The following CNTN6 variants were observed in gnomAD, a reference collection of about 807,000 sequenced individuals.
CNTN6 encodes contactin-6.
In CNTN6, 137 loss-of-function variants were observed where a neutral mutation model predicts 122.8. That is an observed-to-expected ratio of 1.12 (90% CI 0.97 to 1.29). The LOEUF (loss-of-function observed/expected upper bound fraction) is 1.29. CNTN6 is among the 50% of genes most tolerant of loss of function. CNTN6 has a pLI of 0.00. For missense variants in CNTN6, 1,634 were observed against 1,223.4 expected, an observed-to-expected ratio of 1.34 and a Z score of -5.01; for synonymous variants, 570 against 426.0, an observed-to-expected ratio of 1.34 and a Z score of -4.16.
chr3:1,329,773 T>A lies in CNTN6; in HGVS notation c.1214-12T>A, dbSNP rs371073222. ...AGTAATTAAACAATTTTGTCTTTGA[T>A]TTTGTTTTTAGCCTCAGCTCCAGAT... On this transcript the variant is annotated splice_polypyrimidine_tract_variant and intron_variant, in intron 10 of 22. Transcript: ENST00000446702. 2.6e-4 allele frequency: 415 copies of A among 1,600,682 alleles called. No homozygotes were observed. The African/African-American group carries it at 4.8e-3, about 19-fold the overall frequency.
intron 3 of CNTN6, among the ~76,000 whole-genome samples, chr3:1,224,299 CA>C (rs2094248871): frequency 6.6e-6 from 1 of 151,954 alleles, no homozygotes; most frequent in Admixed American, 6.6e-5. Context: ...ACAGGTGGGT[CA>C]AAGGGTGAGA....
chr3:1,195,555 C>G (rs1023924305), intron 2 of CNTN6, among the ~76,000 whole-genome samples: 2 of 152,110 alleles, frequency 1.3e-5, no homozygotes, highest in African/African-American at 4.8e-5. Flanking sequence ...GTTCTTTTTA[C>G]TTTTACTTTT....
intron 17 of CNTN6, among the ~76,000 whole-genome samples, chr3:1,379,649 A>T (rs2126166691): frequency 6.6e-6 from 1 of 152,238 alleles, no homozygotes; most frequent in South Asian, 2.1e-4. Flanking sequence ...TTTAAAAATT[A>T]AACTAAATTA....
At chr3:1,132,159 A>G (rs2092352930) in intron 1 of CNTN6, among the ~76,000 whole-genome samples, 1 of 152,106 alleles carries the variant, frequency 6.6e-6, no homozygotes, top group African/African-American at 2.4e-5. Context: ...AAAATATGTA[A>G]CTGTGTTTAT....
intron 1 of CNTN6, among the ~76,000 whole-genome samples, chr3:1,117,010 C>T (rs1489467237): frequency 6.6e-6 from 1 of 151,916 alleles, no homozygotes; most frequent in Non-Finnish European, 1.5e-5. Context: ...AGCACCCAGC[C>T]GGGGAATGCC....
In CNTN6 at chr3:1,173,608, T is replaced by C. The variant is rs531180269; in HGVS notation, c.55+25545T>C. On this transcript the variant is annotated intron_variant, in intron 2 of 22. Transcript: ENST00000446702. Reference sequence around the variant, plus strand: ...TTTATCACACCACCTCCCTGTGAGCTTCTGTTGAGATTATTTTTTTACTGC... The same window carrying C: ...TTTATCACACCACCTCCCTGTGAGCCTCTGTTGAGATTATTTTTTTACTGC... 2.8e-4 allele frequency among the ~76,000 whole-genome samples: 42 copies of C among 152,308 alleles called. No homozygotes were observed. The East Asian group carries it at 4.1e-3, about 15-fold the overall frequency.
chr3:1,318,910 C>T (rs574838552), intron 7 of CNTN6, among the ~76,000 whole-genome samples: 78 of 151,644 alleles, frequency 5.1e-4, no homozygotes, highest in African/African-American at 1.8e-3. Flanking sequence ...GAATCTGGGG[C>T]GGAAGAGGGA....
chr3:1,271,161 A>T (rs1360221028), intron 4 of CNTN6, among the ~76,000 whole-genome samples: 1 of 152,178 alleles, frequency 6.6e-6, no homozygotes, highest in Non-Finnish European at 1.5e-5. Flanking sequence ...TACAGGCTGG[A>T]GCCATGGCGC....
chr3:1,153,336 GTT>G (rs2092890722), intron 2 of CNTN6, among the ~76,000 whole-genome samples: 1 of 152,126 alleles, frequency 6.6e-6, no homozygotes, highest in Non-Finnish European at 1.5e-5. Context: ...TAATGAGCTG[GTT>G]TCTCCTACTG....
At chr3:1,295,831 G>T (rs373920) in intron 6 of CNTN6, 27 bp downstream of exon 6, 4 of 1,591,458 alleles carry the variant, frequency 2.5e-6, no homozygotes. Flanking sequence ...TCTTGGGAAT[G>T]TACTTTATCT....
At chr3:1,360,626 A>C (rs985604562) in intron 12 of CNTN6, among the ~76,000 whole-genome samples, 3 of 150,198 alleles carry the variant, frequency 2.0e-5, no homozygotes, top group Non-Finnish European at 4.4e-5. Context: ...TTTCTCTCTT[A>C]GTCTTCATTT....
chr3:1,294,762 G>A (rs1695922096), intron 5 of CNTN6, among the ~76,000 whole-genome samples: 1 of 152,168 alleles, frequency 6.6e-6, no homozygotes, highest in Non-Finnish European at 1.5e-5. Flanking sequence ...CTTCTTAGAA[G>A]TCTTTTCTGA....
At chr3:1,304,479 T>C (rs866469210) in intron 7 of CNTN6, among the ~76,000 whole-genome samples, 1 of 152,198 alleles carries the variant, frequency 6.6e-6, no homozygotes, top group South Asian at 2.1e-4. Flanking sequence ...CATATTTATA[T>C]TGAATTAACT....
At chr3:1,256,316 G>A (rs1302042748) in intron 4 of CNTN6, among the ~76,000 whole-genome samples, 2 of 152,140 alleles carry the variant, frequency 1.3e-5, no homozygotes, top group Non-Finnish European at 1.5e-5. Flanking sequence ...AGGTAGCAAT[G>A]GAGACTAAGA....
intron 7 of CNTN6, among the ~76,000 whole-genome samples, chr3:1,306,275 A>G (rs1018401622): frequency 6.6e-6 from 1 of 152,168 alleles, no homozygotes; most frequent in African/African-American, 2.4e-5. Context: ...GGCTTTTTCT[A>G]TAACACGATA....
chr3:1,157,691 C>G (rs548346836), intron 2 of CNTN6, among the ~76,000 whole-genome samples: 1 of 151,920 alleles, frequency 6.6e-6, no homozygotes, highest in Non-Finnish European at 1.5e-5. Flanking sequence ...TCCTTCTACT[C>G]TCTATCTCCA....
At chr3:1,219,273 C>T (rs1263507238) in intron 2 of CNTN6, among the ~76,000 whole-genome samples, 1 of 152,174 alleles carries the variant, frequency 6.6e-6, no homozygotes, top group Non-Finnish European at 1.5e-5. Flanking sequence ...AGCAATGGGA[C>T]AGATAGAAGT....
intron 2 of CNTN6, among the ~76,000 whole-genome samples, chr3:1,206,205 C>G (rs1356257710): frequency 1.3e-5 from 2 of 152,156 alleles, no homozygotes; most frequent in African/African-American, 4.8e-5. Flanking sequence ...TCCTGAAGAT[C>G]ATTTCACACA....
At chr3:1,348,701 G>T (rs1425348156) in intron 11 of CNTN6, among the ~76,000 whole-genome samples, 2 of 151,978 alleles carry the variant, frequency 1.3e-5, no homozygotes, top group Non-Finnish European at 2.9e-5. Context: ...GCTAAAATAA[G>T]TGTTTTCTGG....
Sources: allele counts gnomAD v4.1 joint callset (sites outside exome capture counted in the v4.1 genomes callset), GRCh38; gene constraint gnomAD v4.1.1; transcripts MANE v1.5; gene names NCBI Gene and HGNC (gene_info 2026-07-23, HGNC 2026-07-21).